Variants in SBF1 observed in about 807,000 individuals in gnomAD.
SBF1 encodes the protein SET binding factor 1.
Under a neutral mutation model 215.8 loss-of-function variants are expected in SBF1, and 65 were observed. That is an observed-to-expected ratio of 0.30 (90% CI 0.25 to 0.37). The LOEUF (loss-of-function observed/expected upper bound fraction) is 0.37, where lower values mean the gene tolerates loss of function less well. Ranked by LOEUF, SBF1 falls within the 10% of genes least tolerant of loss-of-function variation. SBF1 has a pLI of 1.00. For synonymous variants in SBF1, 1,410 were observed against 1,122.8 expected (o/e 1.26, Z -5.11); for missense variants, 2,634 against 2,667.8 (o/e 0.99, Z 0.28).
At position 50,468,089 on chromosome 22, in the gene SBF1, G is replaced by A. The variant is rs1983679; in HGVS notation, c.142-166C>T. 0.36 allele frequency among the ~76,000 whole-genome samples: 55,219 copies of A among 152,108 alleles called. 11,456 individuals carry two copies. The highest frequency in any genetic ancestry group is 0.48 in the Non-Finnish European group (32,308 of 67,948). ...TGGCCTCCTGGGCCTCAGTCTCTCC[G>A]GGTGAAGGGAGTAACAGCCTCTGAC... On this transcript the variant is annotated intron_variant, in intron 2 of 40. Transcript: ENST00000380817.
In SBF1 at chr22:50,447,435, G is replaced by A. The variant is rs547807779; in HGVS notation, c.5470C>T (p.Arg1824Cys). ...ACACCCTTGCACTCTGTGTCCACAC[G>A]GTGGTCGTAGTAGCGCAGCTGGAGG... ...TKHQLRYYDH[R>C]VDTECKGVID... Residue 1824 changes from arginine (R) to cysteine (C), a missense_variant, in exon 40 of 41, where the codon CGT becomes TGT. By Grantham distance (180) the Arg-to-Cys change is radical. Coordinates refer to ENST00000380817, the MANE Select transcript of SBF1 (RefSeq NM_002972.4). The A allele has an allele frequency of 6.4e-5, 104 of 1,613,808 alleles. No homozygotes were observed. In the East Asian group the frequency reaches 9.8e-4, roughly 15 times the overall value.
intron 1 of SBF1, among the ~76,000 whole-genome samples, chr22:50,474,312 G>A (rs11703890): frequency 0.2 from 30,727 of 152,244 alleles, 4,113 homozygotes; most frequent in East Asian, 0.71. Context: ...CAAGACCGCC[G>A]GGGGCTTCAG....
chr22:50,448,571 T>C lies in SBF1; in HGVS notation c.5123A>G (p.Gln1708Arg). ...GCCGTCTGGCCGGCCCTCGAGGCGCTGTGCAGCCTTCACCCGGTCCCAGGT... is the reference window on the plus strand; with the variant it reads ...GCCGTCTGGCCGGCCCTCGAGGCGCCGTGCAGCCTTCACCCGGTCCCAGGT... ...KDTWDRVKAA[Q>R]RLEGRPDGRG... Residue 1708 changes from glutamine (Q) to arginine (R), a missense_variant, in exon 37 of 41, where the codon CAG (glutamine) becomes CGG (arginine). Physicochemically the swap from Gln to Arg is conservative, Grantham distance 43 (BLOSUM62 1). Transcript: ENST00000380817. The C allele has an allele frequency of 1.2e-6, 2 of 1,612,174 alleles. No homozygotes were observed. Among genetic ancestry groups the C allele is most frequent in the South Asian group, 1.1e-5 (1 of 91,088 alleles).
Position 50,448,334 on chromosome 22 carries a change from G to T in SBF1, c.5262C>A (p.Ser1754Arg). ...ATGTGGTTGAGCCACTACTCTGGTC[G>T]CTGTCCAGGCTGAGGCTCAGGGTGG... ...VGSTLSLSLDSDQSSGSTTSG... is the reference protein window; with the variant it reads ...VGSTLSLSLDRDQSSGSTTSG... Residue 1754 changes from serine to arginine, a missense_variant, in exon 38 of 41, where the codon AGC (serine) becomes AGA (arginine). Transcript: ENST00000380817. 6.2e-7 allele frequency: 1 copy of T among 1,613,800 alleles called. No homozygotes were observed. Among genetic ancestry groups the T allele is most frequent in the Non-Finnish European group, 8.5e-7 (1 of 1,180,034 alleles).
chr22:50,474,892 G>T lies in SBF1; in HGVS notation c.-52C>A. ...GGCGCGGGCGGGCTCCGCGGCTCGGGGACTCGAGGACGGCGCGCTCATGGC... is the reference window on the plus strand; with the variant it reads ...GGCGCGGGCGGGCTCCGCGGCTCGGTGACTCGAGGACGGCGCGCTCATGGC... On this transcript the variant is annotated 5_prime_UTR_variant, in exon 1 of 41. Coordinates refer to ENST00000380817, the MANE Select transcript of SBF1 (RefSeq NM_002972.4). 1 of 1,259,684 alleles carries T rather than the reference G, an allele frequency of 7.9e-7. No homozygotes were observed. Among genetic ancestry groups the T allele is most frequent in the Non-Finnish European group, 1.0e-6 (1 of 982,582 alleles). The allele number at this position is 1,259,684 out of a possible 1,614,324, so 78.0% of individuals were successfully genotyped here. A position where few individuals can be genotyped will look rare whatever the true frequency, so the allele number is the denominator to read the frequency against.
chr22:50,450,484 G>GCA (rs1355014395), intron 36 of SBF1, among the ~76,000 whole-genome samples: 1 of 151,208 alleles, frequency 6.6e-6, no homozygotes, highest in Non-Finnish European at 1.5e-5. Flanking sequence ...GTGCGCCACT[G>GCA]CACTCCAGCC....
chr22:50,463,547 C>T, intron 15 of SBF1, 115 bp from the exon 16 acceptor site: 1 of 1,186,444 alleles, frequency 8.4e-7, no homozygotes, highest in Non-Finnish European at 1.1e-6. Context: ...GTGGGGTGTG[C>T]CAGACTCTGG....
intron 1 of SBF1, among the ~76,000 whole-genome samples, chr22:50,469,300 G>A (rs146296612): frequency 2.2e-4 from 33 of 152,344 alleles, no homozygotes; most frequent in Non-Finnish European, 1.2e-4. Context: ...AAGCTCCCCT[G>A]GGCCAGGAGG....
intron 36 of SBF1, among the ~76,000 whole-genome samples, chr22:50,449,190 C>T (rs1286511762): frequency 6.6e-6 from 1 of 151,124 alleles, no homozygotes; most frequent in Non-Finnish European, 1.5e-5. Flanking sequence ...AAAAAGACCA[C>T]ACAATACTGA....
chr22:50,467,388 C>G lies in SBF1; in HGVS notation c.499G>C (p.Val167Leu). ...VEGLNVCLEN[V>L]IGNLLTCTVP... ...GTGCACGTCAGCAGGTTCCCAATCA[C>G]GTTCTCCAGGCACACATTCAGGCCC... The change falls in exon 5 of 41, where the codon GTG becomes CTG. Residue 167 changes from valine (V) to leucine (L), a missense_variant. Transcript: ENST00000380817. The G allele has an allele frequency of 6.2e-7, 1 of 1,614,180 alleles. No homozygotes were observed. The highest frequency in any genetic ancestry group is 8.5e-7 in the Non-Finnish European group (1 of 1,180,036).
Position 50,459,662 on chromosome 22 carries a change from G to A in SBF1, c.3496C>T (p.Pro1166Ser). 6.2e-7 allele frequency: 1 copy of A among 1,603,496 alleles called. No homozygotes were observed. The highest frequency in any genetic ancestry group is 8.5e-7 in the Non-Finnish European group (1 of 1,176,512). ...CTCTGGGGCACGATCAGCAGCCCTG[G>A]GTAGCTGAGAGGAGGCAGAGGCGTG... is the stretch of plus-strand genomic sequence containing the variant. ...NRMYAICRSYPGLLIVPQSVQ... is the reference protein window; with the variant it reads ...NRMYAICRSYSGLLIVPQSVQ... The change falls in exon 27 of 41, where the codon CCA becomes TCA. Residue 1166 changes from proline (P) to serine (S), a missense_variant. Physicochemically the swap from Pro to Ser is moderately conservative, Grantham distance 74 (BLOSUM62 -1). Coordinates refer to ENST00000380817, the MANE Select transcript of SBF1 (RefSeq NM_002972.4).
Position 50,446,582 on chromosome 22 carries a change from AG to A in SBF1, c.*559del, listed in dbSNP as rs2066827015. The A allele has an allele frequency of 3.0e-6, 1 of 334,456 alleles. No individual in the cohort carries two copies. Among genetic ancestry groups the A allele is most frequent in the African/African-American group, 2.2e-5 (1 of 46,350 alleles). 20.7% of individuals were successfully genotyped at this position (334,456 alleles called of 1,614,324 possible). On this transcript the variant is annotated 3_prime_UTR_variant, in exon 41 of 41. Transcript: ENST00000380817. ...CCCCTAGACCAGCCCTGAGGCGTGG[AG>A]GGAATCAAGCAAGTCCCCAGTGAAG...
At chr22:50,468,347 A>G (rs1428346217) in intron 2 of SBF1, 29 bp downstream of exon 2, 1 of 1,603,422 alleles carries the variant, frequency 6.2e-7, no homozygotes, top group African/African-American at 1.3e-5. Flanking sequence ...CCCACCTGCC[A>G]GCACCGTCTC....
intron 34 of SBF1, 31 bp downstream of exon 34, chr22:50,454,985 G>A (rs371539498): frequency 5.0e-5 from 81 of 1,613,896 alleles, no homozygotes; most frequent in South Asian, 2.2e-4. Context: ...CTCCTGACCC[G>A]TGGCTGCCCC....
intron 1 of SBF1, among the ~76,000 whole-genome samples, chr22:50,473,109 C>T (rs2068052918): frequency 6.6e-6 from 1 of 150,616 alleles, no homozygotes; most frequent in African/African-American, 2.5e-5. Flanking sequence ...CACTCTGCCT[C>T]TTCTCTCTGC....
chr22:50,459,474 A>G lies in SBF1; in HGVS notation c.3684T>C (p.Ser1228=). Residue 1228 remains serine, a synonymous_variant, in exon 27 of 41, where the codon TCT becomes TCC. Transcript: ENST00000380817. ...VGLFKAQNAP[S]PGQSQADSSS... is the part of the protein sequence containing the mutation. Reference sequence around the variant, plus strand: ...AGGGCAGGACGCAGGAGGTACCTGGAGAAGGTGCGTTCTGGGCCTTGAAGA... The same window carrying G: ...AGGGCAGGACGCAGGAGGTACCTGGGGAAGGTGCGTTCTGGGCCTTGAAGA... The G allele has an allele frequency of 6.2e-7, 1 of 1,610,764 alleles. No homozygotes were observed. Among genetic ancestry groups the G allele is most frequent in the Non-Finnish European group, 8.5e-7 (1 of 1,179,736 alleles).
At chr22:50,454,765 G>A (rs1426356692) in intron 35 of SBF1, 23 bp from the exon 36 acceptor site, 14 of 1,593,140 alleles carry the variant, frequency 8.8e-6, no homozygotes, top group East Asian at 2.2e-5. Flanking sequence ...CTGTGGTTGA[G>A]GACCTGGGTC....
chr22:50,467,292 A>G, intron 5 of SBF1, 46 bp downstream of exon 5: 1 of 1,513,030 alleles, frequency 6.6e-7, no homozygotes. Context: ...GGGCCCCAGC[A>G]GGAGGGCCTG....
Position 50,448,277 on chromosome 22 carries a change from G to T in SBF1, c.5319C>A (p.Thr1773=), listed in dbSNP as rs771783416. 6.2e-7 allele frequency: 1 copy of T among 1,613,130 alleles called. No homozygotes were observed. Among genetic ancestry groups the T allele is most frequent in the African/African-American group, 1.3e-5 (1 of 74,924 alleles). ...TCTGGAACTGGCTGTACAGGGTGCT[G>T]GTGCTGCGGCGGGCAGCCTGACGGG... ...SGSRQAARRS[T]STLYSQFQTA... The change falls in exon 38 of 41, where the codon ACC becomes ACA. Residue 1773 remains threonine, a synonymous_variant. Transcript: ENST00000380817.
Sources: allele counts gnomAD v4.1 joint callset (sites outside exome capture counted in the v4.1 genomes callset), GRCh38; gene constraint gnomAD v4.1.1; transcripts MANE v1.5; gene names NCBI Gene and HGNC (gene_info 2026-07-23, HGNC 2026-07-21).